CFAP92: variants seen among roughly 807,000 people sequenced by gnomAD.
The protein encoded by CFAP92 is cilia and flagella associated protein 92 (putative).
Under a neutral mutation model 106.3 loss-of-function variants are expected in CFAP92, and 86 were observed. That is an observed-to-expected ratio of 0.81 (90% CI 0.68 to 0.97). The LOEUF (loss-of-function observed/expected upper bound fraction) is 0.97, where lower values mean the gene tolerates loss of function less well. Among genes scored for constraint, CFAP92 ranks in the 50% least tolerant of loss-of-function variants. The pLI is 0.00. For synonymous variants in CFAP92, 477 were observed against 506.4 expected (o/e 0.94, Z 0.78); for missense variants, 1,204 against 1,283.8 (o/e 0.94, Z 0.95).
intron 8 of CFAP92, chr3:128,967,486 G>T (rs1942462331): frequency 6.6e-6 from 1 of 152,264 alleles, no homozygotes; most frequent in African/African-American, 2.4e-5. Flanking sequence ...CGGATCACCT[G>T]AAGTCGGGAG....
intron 9 of CFAP92, among the ~76,000 whole-genome samples, chr3:128,956,916 G>A (rs540785933): frequency 9.0e-5 from 13 of 144,292 alleles, no homozygotes; most frequent in Admixed American, 1.4e-4. Flanking sequence ...GGAGGCAGAC[G>A]TTGCAGTGAG....
rs1559832410 is a variant in CFAP92, at chr3:128,910,117, AT to A, written c.*181del. ...CGTGCTGTCGCGGGCCAGCCGCTCC[AT>A]CCGCATTGGGCTCCGCAACCACGAC... is the stretch of plus-strand genomic sequence containing the variant. On this transcript the variant is annotated 3_prime_UTR_variant, in exon 16 of 16. Transcript: ENST00000645291. 6.2e-7 allele frequency: 1 copy of A among 1,614,034 alleles called. No homozygotes were observed. The highest frequency in any genetic ancestry group is 8.5e-7 in the Non-Finnish European group (1 of 1,180,024).
At chr3:128,994,960 G>A (rs2107831101), upstream of CFAP92, among the ~76,000 whole-genome samples, 1 of 152,328 alleles carries the variant, frequency 6.6e-6, no homozygotes, top group African/African-American at 2.4e-5. Context: ...AATGGGTGGC[G>A]AGGCTGTAGC....
chr3:128,941,925 TTG>T (rs1170325685), intron 10 of CFAP92, among the ~76,000 whole-genome samples: 3 of 152,244 alleles, frequency 2.0e-5, no homozygotes, highest in Admixed American at 6.5e-5. Flanking sequence ...GGTTAATGAT[TTG>T]TGTTTTATTT....
intron 9 of CFAP92, among the ~76,000 whole-genome samples, chr3:128,956,184 T>TAAAAAAAAAATAAAAAAA (rs1941362440): frequency 1.0e-4 from 5 of 49,278 alleles, no homozygotes; most frequent in Non-Finnish European, 1.9e-4. Context: ...AAAAATAAAT[T>TAAAAAAAAAATAAAAAAA]AAAAAAAAAA....
chr3:128,991,770 C>A, intron 2 of CFAP92: 1 of 1,002,766 alleles, frequency 1.0e-6, no homozygotes. Flanking sequence ...GGGGTTCCAA[C>A]CCATACAAGA....
chr3:128,970,875 G>A (rs1942738742), intron 8 of CFAP92: 4 of 193,212 alleles, frequency 2.1e-5, no homozygotes, highest in South Asian at 1.0e-4. Context: ...CACGGGAAGT[G>A]CCTGCACCCA....
intron 1 of CFAP92, chr3:129,002,277 CTGCGCGCCGCGCTGCAGAGCAGTGA>C (rs969221354): frequency 1.3e-4 from 205 of 1,530,002 alleles, no homozygotes; most frequent in Non-Finnish European, 1.8e-4. Context: ...GGTGGAGGAC[CTGCGCGCCGCGCTGCAGAGCAGTGA>C]TGCGCGCTGC....
chr3:128,969,867 C>T (rs1200405701), intron 8 of CFAP92: 3 of 152,256 alleles, frequency 2.0e-5, no homozygotes, highest in African/African-American at 4.8e-5. Flanking sequence ...CTCTCTGTCA[C>T]TGTTGCCTCT....
chr3:128,988,929 C>A lies in CFAP92; in HGVS notation c.263-11G>T, dbSNP rs752011664. 1.1e-5 allele frequency: 18 copies of A among 1,604,026 alleles called. No individual in the cohort carries two copies. The highest frequency in any genetic ancestry group is 2.2e-5 in the South Asian group (2 of 90,390). ...ATTTTCCCTTCTGACCTTGAAGATA[C>A]AGATTGAAAAAGTCTCGTTTTAACC... On this transcript the variant is annotated splice_polypyrimidine_tract_variant and intron_variant, in intron 2 of 15. Transcript: ENST00000645291.
chr3:129,008,878 C>T, the CFAP92 span, among the ~76,000 whole-genome samples: 17 of 152,298 alleles, frequency 1.1e-4, no homozygotes, highest in Middle Eastern at 3.4e-3. Flanking sequence ...ATCCTGCTTT[C>T]CCACAGCTGG....
intron 1 of CFAP92, among the ~76,000 whole-genome samples, chr3:129,000,791 G>A (rs1944690711): frequency 6.6e-6 from 1 of 152,324 alleles, no homozygotes; most frequent in Admixed American, 6.5e-5. Flanking sequence ...TGGCAGGGCC[G>A]GGAGACACCA....
Position 128,986,519 on chromosome 3 carries a change from CT to C in CFAP92, c.667+1096del, listed in dbSNP as rs569833601. On this transcript the variant is annotated intron_variant, in intron 4 of 15. Transcript: ENST00000645291. ...TACAGGCATGAGCCACTGTACCTGCCTTTTTTTAATTTTTAACATCTCTAAG... is the reference window on the plus strand; with the variant it reads ...TACAGGCATGAGCCACTGTACCTGCCTTTTTTAATTTTTAACATCTCTAAG... Among the ~76,000 whole-genome samples the C allele has an allele frequency of 1.2e-3, 190 of 152,234 alleles. 1 individual carries two copies. The highest frequency in any genetic ancestry group is 2.3e-3 in the Non-Finnish European group (155 of 68,016).
intron 12 of CFAP92, among the ~76,000 whole-genome samples, chr3:128,927,864 A>G (rs1374067361): frequency 6.6e-6 from 1 of 152,226 alleles, no homozygotes. Context: ...AGGAAAACTG[A>G]AGACCTAAAT....
chr3:128,943,932 T>G (rs554032875), intron 10 of CFAP92, among the ~76,000 whole-genome samples: 45 of 149,050 alleles, frequency 3.0e-4, no homozygotes, highest in East Asian at 1.9e-3. Context: ...TTTTTTTTTT[T>G]TTTTTTTTTT....
the CFAP92 span, among the ~76,000 whole-genome samples, chr3:129,014,647 C>T: frequency 6.6e-6 from 1 of 152,292 alleles, no homozygotes; most frequent in South Asian, 2.1e-4. The surrounding 1 kb of genome is among the most constrained non-coding windows in gnomAD (Gnocchi z 4.3). Context: ...ATTGGGGAGA[C>T]ACAACCAGCC....
the CFAP92 span, among the ~76,000 whole-genome samples, chr3:129,017,472 C>T: frequency 6.6e-6 from 1 of 152,222 alleles, no homozygotes; most frequent in Non-Finnish European, 1.5e-5. Context: ...AGCAAGGCAC[C>T]CTTGGCCGGG....
In CFAP92 at chr3:128,922,423, T is replaced by A. The variant is rs1228207808; in HGVS notation, c.2752-6152A>T. 2.6e-5 allele frequency among the ~76,000 whole-genome samples: 4 copies of A among 152,292 alleles called. No individual in the cohort carries two copies. The South Asian group carries it at 6.2e-4, about 24-fold the overall frequency. ...CCAGGAGAAAGAATTGCTTAGTTATTGCTGTTACCTTACACAAAACTAGGA... is the reference window on the plus strand; with the variant it reads ...CCAGGAGAAAGAATTGCTTAGTTATAGCTGTTACCTTACACAAAACTAGGA... On this transcript the variant is annotated intron_variant, in intron 12 of 15. Coordinates refer to ENST00000645291, the MANE Select transcript of CFAP92 (RefSeq NM_001394090.1).
chr3:128,915,065 T>A, intron 15 of CFAP92, 54 bp downstream of exon 15: 1 of 1,513,870 alleles, frequency 6.6e-7, no homozygotes, highest in Non-Finnish European at 8.8e-7. Context: ...GGCACAGAGC[T>A]CCTGCCTGCC....
Sources: gnomAD v4.1 joint callset for allele counts (sites outside exome capture counted in the v4.1 genomes callset) on GRCh38, gnomAD v4.1.1 for gene constraint, Gnocchi (gnomAD v3.1) non-coding constraint, MANE v1.5 for transcripts, NCBI Gene and HGNC (gene_info 2026-07-23, HGNC 2026-07-21) for gene names.